DIPK1A: variants seen among roughly 807,000 people sequenced by gnomAD.
DIPK1A encodes family with sequence similarity 69 member A.
DIPK1A carries 27 observed loss-of-function variants against 40.8 expected under a neutral mutation model. That is an observed-to-expected ratio of 0.66 (90% CI 0.49 to 0.91). The LOEUF (loss-of-function observed/expected upper bound fraction) is 0.91. Ranked by LOEUF, DIPK1A falls within the 40% of genes least tolerant of loss-of-function variation. DIPK1A has a pLI of 0.00. For synonymous variants in DIPK1A, 166 were observed against 171.3 expected (o/e 0.97, Z 0.24); for missense variants, 412 against 505.7 (o/e 0.81, Z 1.78).
chr1:92,873,740 C>T (rs186241575), intron 2 of DIPK1A, among the ~76,000 whole-genome samples: 10 of 152,088 alleles, frequency 6.6e-5, no homozygotes, highest in Non-Finnish European at 1.5e-5. Context: ...GAGATGAAGT[C>T]TTGCTCTGTT....
At chr1:92,876,003 A>C (rs1648103742) in intron 2 of DIPK1A, among the ~76,000 whole-genome samples, 1 of 150,176 alleles carries the variant, frequency 6.7e-6, no homozygotes, top group Non-Finnish European at 1.5e-5. Context: ...ATTGAAATAA[A>C]CTAAAACTTA....
chr1:92,938,703 A>G (rs1651040339), intron 1 of DIPK1A, among the ~76,000 whole-genome samples: 1 of 152,202 alleles, frequency 6.6e-6, no homozygotes, highest in South Asian at 2.1e-4. Flanking sequence ...TTCCTCTTTC[A>G]ATAATGAATT....
intron 2 of DIPK1A, among the ~76,000 whole-genome samples, chr1:92,866,549 T>C (rs1035002419): frequency 1.2e-4 from 18 of 152,240 alleles, no homozygotes; most frequent in African/African-American, 4.3e-4. Flanking sequence ...TTTAACCTGA[T>C]GTGATGGTCT....
intron 2 of DIPK1A, among the ~76,000 whole-genome samples, chr1:92,858,164 T>C (rs771301554): frequency 6.6e-6 from 1 of 152,072 alleles, no homozygotes; most frequent in Non-Finnish European, 1.5e-5. Flanking sequence ...ACTTAAAGAG[T>C]GATATCCTTC....
downstream of DIPK1A, chr1:92,841,849 G>A (rs931986000): frequency 5.0e-6 from 8 of 1,611,194 alleles, no homozygotes; most frequent in South Asian, 2.2e-5. Context: ...GCTCAGGAGC[G>A]GGCTGCTGAG....
intron 1 of DIPK1A, among the ~76,000 whole-genome samples, chr1:92,880,273 A>C (rs1648307086): frequency 6.6e-6 from 1 of 152,246 alleles, no homozygotes; most frequent in South Asian, 2.1e-4. Flanking sequence ...ATTTTATCTT[A>C]TATTAGCCTT....
intron 1 of DIPK1A, among the ~76,000 whole-genome samples, chr1:92,881,167 G>A (rs1282632962): frequency 1.8e-4 from 17 of 96,368 alleles, no homozygotes; most frequent in African/African-American, 6.8e-4. Flanking sequence ...AGCGAGACTC[G>A]GTCTCAAAAA....
At chr1:92,848,441 G>A (rs1206227097) in intron 3 of DIPK1A, among the ~76,000 whole-genome samples, 3 of 152,148 alleles carry the variant, frequency 2.0e-5, no homozygotes, top group African/African-American at 7.2e-5. Flanking sequence ...GTTGAAGCTT[G>A]TTTCTGCTTC....
chr1:92,931,353 GA>G, intron 1 of DIPK1A: 3 of 238,380 alleles, frequency 1.3e-5, no homozygotes, highest in Non-Finnish European at 1.8e-5. Flanking sequence ...CCGTATCAAA[GA>G]AAAAAGGACT....
At chr1:92,951,334 C>A (rs953686740) in intron 1 of DIPK1A, among the ~76,000 whole-genome samples, 1 of 152,164 alleles carries the variant, frequency 6.6e-6, no homozygotes, top group African/African-American at 2.4e-5. Context: ...AGGCTGAGAA[C>A]AATCCTCAGC....
chr1:92,939,928 G>A (rs1282492126), intron 1 of DIPK1A, among the ~76,000 whole-genome samples: 2 of 147,382 alleles, frequency 1.4e-5, no homozygotes, highest in Non-Finnish European at 3.0e-5. Context: ...CTCCAGCCTA[G>A]GCGACAGAGT....
At chr1:92,912,899 G>A (rs1649884827) in intron 1 of DIPK1A, among the ~76,000 whole-genome samples, 1 of 151,848 alleles carries the variant, frequency 6.6e-6, no homozygotes, top group East Asian at 1.9e-4. Flanking sequence ...CCAGGAGTTT[G>A]AGACCAGCCT....
At chr1:92,853,692 C>T (rs1308240339) in intron 2 of DIPK1A, among the ~76,000 whole-genome samples, 1 of 152,204 alleles carries the variant, frequency 6.6e-6, no homozygotes, top group African/African-American at 2.4e-5. Flanking sequence ...GCTGAACTTT[C>T]TTTCAGTAGG....
rs530607989 is a variant in DIPK1A at position 92,867,500 on chromosome 1, T to TTTGTTGTTG, written c.189+8787_189+8795dup. Among the ~76,000 whole-genome samples the TTTGTTGTTG allele has an allele frequency of 5.9e-5, 9 of 151,922 alleles. No homozygotes were observed. In the East Asian group the frequency reaches 1.5e-3, roughly 26 times the overall value. ...CCACAACTGTTAAACAGATATAAAC[T>TTTGTTGTTG]TTGTTGTTGTTGTTGTTGTTGTTGA... On this transcript the variant is annotated intron_variant, in intron 2 of 4. Coordinates refer to ENST00000370310, the MANE Select transcript of DIPK1A (RefSeq NM_001006605.5).
intron 1 of DIPK1A, among the ~76,000 whole-genome samples, chr1:92,902,736 G>A (rs1571109392): frequency 6.6e-6 from 1 of 152,274 alleles, no homozygotes; most frequent in East Asian, 1.9e-4. Context: ...GGGGTGGGGT[G>A]GTGGAGGATG....
At chr1:92,840,663 T>G, downstream of DIPK1A, 1 of 1,578,392 alleles carries the variant, frequency 6.3e-7, no homozygotes, top group Non-Finnish European at 8.6e-7. Context: ...TTTTTTGTCT[T>G]TTCAAGAAAA....
chr1:92,885,675 C>T (rs1648567792), intron 1 of DIPK1A, among the ~76,000 whole-genome samples: 1 of 152,064 alleles, frequency 6.6e-6, no homozygotes, highest in Non-Finnish European at 1.5e-5. Context: ...CCATTCTAAT[C>T]AGCCATCTCT....
In DIPK1A at chr1:92,849,342, T is replaced by G. The variant is rs1176647309; in HGVS notation, c.297+1506A>C. On this transcript the variant is annotated intron_variant, in intron 3 of 4. Transcript: ENST00000370310. The stretch of plus-strand genomic sequence containing the variant: ...TAAGGGAAGCAATCTTGTCTGGTTT[T>G]TTTTTGTTTTTTTTTTTTTTTTTGA... Among the ~76,000 whole-genome samples the G allele has an allele frequency of 5.9e-5, 9 of 151,810 alleles. No homozygotes were observed. The East Asian group carries it at 1.2e-3, about 20-fold the overall frequency.
At chr1:92,896,442 G>A (rs1251185377) in intron 1 of DIPK1A, among the ~76,000 whole-genome samples, 1 of 152,118 alleles carries the variant, frequency 6.6e-6, no homozygotes, top group African/African-American at 2.4e-5. Context: ...TGGAAAAACT[G>A]GCTAGCCATA....
Sources: gnomAD v4.1 joint callset for allele counts (sites outside exome capture counted in the v4.1 genomes callset) on GRCh38, gnomAD v4.1.1 for gene constraint, MANE v1.5 for transcripts, NCBI Gene and HGNC (gene_info 2026-07-23, HGNC 2026-07-21) for gene names.